The following MBNL2 variants were observed in gnomAD, a reference collection of about 807,000 sequenced individuals.
MBNL2 encodes muscleblind-like protein 2.
MBNL2 carries 17 observed loss-of-function variants against 41.9 expected under a neutral mutation model. The ratio of observed to expected loss-of-function variants is 0.41; its 90% CI spans 0.28 to 0.61. The LOEUF (loss-of-function observed/expected upper bound fraction) is 0.61. Among genes scored for constraint, MBNL2 ranks in the 20% least tolerant of loss-of-function variants. The pLI, the probability that MBNL2 is intolerant of heterozygous loss-of-function variation, is 0.35. For missense variants in MBNL2, 336 were observed against 505.6 expected, an observed-to-expected ratio of 0.66 and a Z score of 3.22; for synonymous variants, 195 against 182.9, an observed-to-expected ratio of 1.07 and a Z score of -0.53.
intron 2 of MBNL2, among the ~76,000 whole-genome samples, chr13:97,277,848 A>T (rs1461786980): frequency 6.6e-6 from 1 of 152,244 alleles, no homozygotes; most frequent in Non-Finnish European, 1.5e-5. Flanking sequence ...ATTCATATAA[A>T]CTATAACAGT....
chr13:97,359,929 A>G (rs1441680557), intron 7 of MBNL2, among the ~76,000 whole-genome samples: 1 of 152,180 alleles, frequency 6.6e-6, no homozygotes, highest in Non-Finnish European at 1.5e-5. Context: ...TTAAACCCAT[A>G]CCAGGAATTT....
intron 2 of MBNL2, among the ~76,000 whole-genome samples, chr13:97,305,072 T>C (rs1022738129): frequency 1.3e-5 from 2 of 152,236 alleles, no homozygotes; most frequent in African/African-American, 4.8e-5. Context: ...CTTCTTTTAA[T>C]TACCAGCCCA....
At chr13:97,158,715 A>T in the MBNL2 span, among the ~76,000 whole-genome samples, 2 of 151,826 alleles carry the variant, frequency 1.3e-5, no homozygotes, top group Non-Finnish European at 2.9e-5. Context: ...TTTGAGTGAG[A>T]TTCTTAATCC....
At chr13:97,357,803 C>T (rs947001040) in intron 7 of MBNL2, 168 bp downstream of exon 7, 2 of 733,482 alleles carry the variant, frequency 2.7e-6, no homozygotes, top group African/African-American at 3.5e-5. Flanking sequence ...TGAATGATAG[C>T]TAAAGACTGT....
chr13:97,256,531 G>C lies in MBNL2; in HGVS notation c.-604-19101G>C, dbSNP rs142017400. 3.6e-3 allele frequency among the ~76,000 whole-genome samples: 553 copies of C among 152,224 alleles called. 8 individuals carry two copies. The highest frequency in any genetic ancestry group is 0.013 in the African/African-American group (537 of 41,534). ...CGTACTGGAAAAAGTGAAGCAGACA[G>C]GAATATCTCCGCCAAATGCTGCAGG... On this transcript the variant is annotated intron_variant, in intron 1 of 8. Coordinates refer to ENST00000679496, the MANE Select transcript of MBNL2 (RefSeq NM_001382683.1).
At chr13:97,358,604 T>C (rs919998966) in intron 7 of MBNL2, among the ~76,000 whole-genome samples, 1 of 152,080 alleles carries the variant, frequency 6.6e-6, no homozygotes, top group Non-Finnish European at 1.5e-5. Context: ...ACGCACACCA[T>C]ACGCAAAGAT....
At chr13:97,318,314 C>T (rs2059224330) in intron 2 of MBNL2, among the ~76,000 whole-genome samples, 1 of 152,192 alleles carries the variant, frequency 6.6e-6, no homozygotes, top group Non-Finnish European at 1.5e-5. Context: ...AGAGCAGTGG[C>T]TTTGGAGTCA....
At chr13:97,374,063 A>ATTTTTTTTTTTTTTTTTTTTTTTT (rs61185219) in intron 8 of MBNL2, among the ~76,000 whole-genome samples, 2 of 63,128 alleles carry the variant, frequency 3.2e-5, no homozygotes, top group African/African-American at 5.6e-5. Flanking sequence ...CCTCCTTTGC[A>ATTTTTTTTTTTTTTTTTTTTTTTT]TTTTTTTTTT....
At chr13:97,330,395 C>A (rs951624522) in intron 2 of MBNL2, among the ~76,000 whole-genome samples, 1 of 152,190 alleles carries the variant, frequency 6.6e-6, no homozygotes, top group South Asian at 2.1e-4. Context: ...GTCTCCACCC[C>A]ACAGAAGCTG....
intron 8 of MBNL2, among the ~76,000 whole-genome samples, chr13:97,370,301 C>G (rs2064240399): frequency 6.6e-6 from 1 of 152,154 alleles, no homozygotes; most frequent in Non-Finnish European, 1.5e-5. Flanking sequence ...TAAGATGAAT[C>G]TTACACTGGA....
chr13:97,181,024 CCTT>C, the MBNL2 span, among the ~76,000 whole-genome samples: 3 of 152,070 alleles, frequency 2.0e-5, no homozygotes, highest in Non-Finnish European at 2.9e-5. Context: ...GCTTATGTCT[CCTT>C]CTTCCATCTT....
the MBNL2 span, among the ~76,000 whole-genome samples, chr13:97,151,630 C>A: frequency 6.6e-6 from 1 of 152,110 alleles, no homozygotes. Context: ...ACACAATCAG[C>A]TTTTTGTGAG....
At chr13:97,166,782 TGATAGATAGATAGATAGATA>T in the MBNL2 span, among the ~76,000 whole-genome samples, 84 of 139,982 alleles carry the variant, frequency 6.0e-4, no homozygotes, top group African/African-American at 1.2e-3. Context: ...AAACTTCCCT[TGATAGATAGATAGATAGATA>T]GATAGATAGA....
chr13:97,146,512 G>A, the MBNL2 span, among the ~76,000 whole-genome samples: 1 of 152,142 alleles, frequency 6.6e-6, no homozygotes, highest in Non-Finnish European at 1.5e-5. Context: ...CACTTGATTG[G>A]TGGGCTTTCA....
chr13:97,243,974 T>C (rs2044883761), intron 1 of MBNL2, among the ~76,000 whole-genome samples: 1 of 152,078 alleles, frequency 6.6e-6, no homozygotes, highest in African/African-American at 2.4e-5. Flanking sequence ...TTTCACAGTA[T>C]CAGAAAGGCA....
At chr13:97,284,474 A>T (rs934353140) in intron 2 of MBNL2, among the ~76,000 whole-genome samples, 3 of 152,128 alleles carry the variant, frequency 2.0e-5, no homozygotes, top group Non-Finnish European at 4.4e-5. Context: ...TCTCCTTCTT[A>T]TAAGGACATC....
chr13:97,228,393 G>A (rs1266124445), intron 1 of MBNL2, among the ~76,000 whole-genome samples: 1 of 152,002 alleles, frequency 6.6e-6, no homozygotes, highest in African/African-American at 2.4e-5. Context: ...GGTGGAGGTA[G>A]GAGATTAATT....
At chr13:97,323,060 G>C (rs185827946) in intron 2 of MBNL2, among the ~76,000 whole-genome samples, 1 of 152,278 alleles carries the variant, frequency 6.6e-6, no homozygotes, top group Admixed American at 6.5e-5. Context: ...GACAGTGTCT[G>C]TTTTCTACCT....
chr13:97,202,833 G>A, the MBNL2 span, among the ~76,000 whole-genome samples: 1 of 152,222 alleles, frequency 6.6e-6, no homozygotes, highest in Non-Finnish European at 1.5e-5. Flanking sequence ...CTGAGAAGTG[G>A]GTGCCATGGC....
Sources: gnomAD v4.1 joint callset for allele counts (sites outside exome capture counted in the v4.1 genomes callset) on GRCh38, gnomAD v4.1.1 for gene constraint, MANE v1.5 for transcripts, NCBI Gene and HGNC (gene_info 2026-07-23, HGNC 2026-07-21) for gene names.